The following SQSTM1 variants were observed in gnomAD, a reference collection of about 807,000 sequenced individuals.
SQSTM1 encodes the protein sequestosome-1.
A neutral mutation model predicts 45.1 loss-of-function variants in SQSTM1; 36 were observed. The observed-to-expected ratio is 0.80, with a 90% CI of 0.61 to 1.05. The LOEUF (loss-of-function observed/expected upper bound fraction) is 1.05. Among genes scored for constraint, SQSTM1 ranks in the 50% least tolerant of loss-of-function variants. The probability of loss-of-function intolerance (pLI) is 0.00; values close to 1 mark genes in which losing one functional copy is unlikely to be tolerated. For missense variants in SQSTM1, 617 were observed against 607.1 expected (o/e 1.02, Z -0.17); for synonymous variants, 290 against 244.3 (o/e 1.19, Z -1.74).
rs773605598 is a variant in SQSTM1 at position 179,821,107 on chromosome 5, G to A, written c.171G>A (p.Ala57=). ...LLSRVAALFP[A]LRPGGFQAHY... ...GCCGGGTGGCCGCCCTGTTCCCCGC[G>A]CTGCGGCCTGGCGGCTTCCAGGCGC... Residue 57 remains alanine (A), a synonymous_variant, in exon 1 of 8, where the codon GCG becomes GCA. Transcript: ENST00000389805. 7.1e-7 allele frequency: 1 copy of A among 1,407,460 alleles called. No individual in the cohort carries two copies. The highest frequency in any genetic ancestry group is 9.2e-7 in the Non-Finnish European group (1 of 1,084,010). The allele number at this position is 1,407,460 out of a possible 1,614,324, so 87.2% of individuals were successfully genotyped here. A position where few individuals can be genotyped will look rare whatever the true frequency, so the allele number is the denominator to read the frequency against.
At chr5:179,825,770 G>A (rs958129298) in intron 5 of SQSTM1, among the ~76,000 whole-genome samples, 2 of 152,140 alleles carry the variant, frequency 1.3e-5, no homozygotes, top group African/African-American at 2.4e-5. Flanking sequence ...GGGTCTGTGG[G>A]GTGGGTGAAG....
chr5:179,816,772 C>G (rs1019036764), upstream of SQSTM1, among the ~76,000 whole-genome samples: 16 of 150,024 alleles, frequency 1.1e-4, no homozygotes, highest in Non-Finnish European at 1.6e-4. Context: ...CTCCAGCCCC[C>G]CTCCCTACTC....
chr5:179,812,873 C>G (rs987222839), intron 2 of SQSTM1: 33 of 152,216 alleles, frequency 2.2e-4, no homozygotes, highest in African/African-American at 7.9e-4. Context: ...CAAAGCTTGA[C>G]CAGGCCCAGC....
chr5:179,818,040 A>AAGGG (rs1757637622), upstream of SQSTM1, among the ~76,000 whole-genome samples: 1 of 146,514 alleles, frequency 6.8e-6, no homozygotes, highest in African/African-American at 2.5e-5. Context: ...AAAAAAAAAA[A>AAGGG]GTGATGTCCA....
intron 5 of SQSTM1, among the ~76,000 whole-genome samples, chr5:179,828,369 C>CTTTTTTTTTTTTTTT (rs57483633): frequency 7.1e-5 from 7 of 98,296 alleles, no homozygotes; most frequent in Non-Finnish European, 1.0e-4. Context: ...TTTTTCTTAT[C>CTTTTTTTTTTTTTTT]TTTTTTTTTT....
chr5:179,827,964 C>T lies in SQSTM1; in HGVS notation c.754+2738C>T, dbSNP rs553949680. 1.9e-3 allele frequency among the ~76,000 whole-genome samples: 296 copies of T among 152,240 alleles called. 1 individual carries two copies. The highest frequency in any genetic ancestry group is 6.9e-3 in the African/African-American group (287 of 41,542). Reference sequence around the variant, plus strand: ...GGGGCTGAGAACCTGCTGAGGGAGCCACAACTGAGACCCAGGCTGCTCCTG... The same window carrying T: ...GGGGCTGAGAACCTGCTGAGGGAGCTACAACTGAGACCCAGGCTGCTCCTG... On this transcript the variant is annotated intron_variant, in intron 5 of 7. Transcript: ENST00000389805.
Position 179,834,676 on chromosome 5 carries a change from T to C in SQSTM1, c.1165+894T>C, listed in dbSNP as rs1454312319. On this transcript the variant is annotated intron_variant, in intron 7 of 7. Transcript: ENST00000389805. Reference sequence around the variant, plus strand: ...AAAGCACATCTTGCACCGCCCTTAATCCATTTAACCCTGAGTGGACACAGC... The same window carrying C: ...AAAGCACATCTTGCACCGCCCTTAACCCATTTAACCCTGAGTGGACACAGC... Among the ~76,000 whole-genome samples the C allele has an allele frequency of 8.5e-5, 13 of 152,244 alleles. No individual in the cohort carries two copies. In the East Asian group the frequency reaches 2.5e-3, roughly 29 times the overall value.
At chr5:179,819,330 C>A (rs1319942686), upstream of SQSTM1, among the ~76,000 whole-genome samples, 1 of 151,796 alleles carries the variant, frequency 6.6e-6, no homozygotes, top group African/African-American at 2.4e-5. Flanking sequence ...CTCCCCGCCC[C>A]CCCCCCAGTC....
chr5:179,828,587 T>G (rs1758095612), intron 5 of SQSTM1, among the ~76,000 whole-genome samples: 1 of 152,146 alleles, frequency 6.6e-6, no homozygotes, highest in Non-Finnish European at 1.5e-5. Flanking sequence ...TTGGTCAGGC[T>G]GGTCTCGAAC....
In SQSTM1 at chr5:179,806,938, C is replaced by G. The variant is rs1562627953; in HGVS notation, c.-157+347C>G. On this transcript the variant is annotated intron_variant, in intron 1 of 5. Transcript: ENST00000514093. This position sits in a 1 kb window ranked among gnomAD's most constrained non-coding sequence, Gnocchi z 4.6. ...GGGCTGGGCGGCGAGAGCCGCGGCC[C>G]GGCCTGGATCTGGGGCCTGGATCTG... The G allele has an allele frequency of 6.7e-6, 1 of 149,582 alleles. No individual in the cohort carries two copies. Among genetic ancestry groups the G allele is most frequent in the Non-Finnish European group, 1.5e-5 (1 of 66,730 alleles). 9.3% of individuals were successfully genotyped at this position (149,582 alleles called of 1,614,324 possible). A position where few individuals can be genotyped will look rare whatever the true frequency, so the allele number is the denominator to read the frequency against.
intron 7 of SQSTM1, 72 bp downstream of exon 7, chr5:179,833,854 A>G: frequency 6.6e-7 from 1 of 1,518,822 alleles, no homozygotes; most frequent in Non-Finnish European, 9.1e-7. Context: ...CTCTGATTTC[A>G]GCGACACAAA....
chr5:179,837,799 C>G lies in SQSTM1; in HGVS notation c.*1206C>G. ...TCCATAGCTCCTTCCCAGGACCCCT[C>G]AGCTCCCCGGCACTGCAGTCTGCAG... On this transcript the variant is annotated 3_prime_UTR_variant, in exon 8 of 8. Transcript: ENST00000389805. 6.2e-7 allele frequency: 1 copy of G among 1,614,052 alleles called. No individual in the cohort carries two copies. The highest frequency in any genetic ancestry group is 8.5e-7 in the Non-Finnish European group (1 of 1,180,042).
In SQSTM1 at chr5:179,837,645, C is replaced by G. The variant is rs767934309; in HGVS notation, c.*1052C>G. On this transcript the variant is annotated 3_prime_UTR_variant, in exon 8 of 8. Coordinates refer to ENST00000389805, the MANE Select transcript of SQSTM1 (RefSeq NM_003900.5). The stretch of plus-strand genomic sequence containing the variant: ...CTGGGGGTCCCTTGCTTAGCCTGTG[C>G]TGGACCAGCTGGCCTGGGGTCCCTC... 12 of 1,614,106 alleles carry G rather than the reference C, an allele frequency of 7.4e-6. No individual in the cohort carries two copies. The Admixed American group carries it at 1.7e-4, about 22-fold the overall frequency.
rs1757173708 is a variant in SQSTM1 at position 179,806,643 on chromosome 5, G to C, written c.-157+52G>C. The C allele has an allele frequency of 2.1e-6, 2 of 968,640 alleles. No homozygotes were observed. Among genetic ancestry groups the C allele is most frequent in the Admixed American group, 4.9e-5 (1 of 20,540 alleles). The allele number at this position is 968,640 out of a possible 1,614,324, so 60.0% of individuals were successfully genotyped here. ...AGGCTGCATGGCCCGGGGGACCGGGGCCGGGGCGCAGGGGTCGGAAGGCGG... is the reference window on the plus strand; with the variant it reads ...AGGCTGCATGGCCCGGGGGACCGGGCCCGGGGCGCAGGGGTCGGAAGGCGG... On this transcript the variant is annotated intron_variant, in intron 1 of 5. Transcript: ENST00000514093. The surrounding 1 kb of genome is among the most constrained non-coding windows in gnomAD (Gnocchi z 4.6).
At chr5:179,819,075 G>A (rs1266882174), upstream of SQSTM1, 1 of 152,544 alleles carries the variant, frequency 6.6e-6, no homozygotes, top group Non-Finnish European at 1.5e-5. Flanking sequence ...CAGGGGCCGG[G>A]GATCCCCCTA....
In SQSTM1 at chr5:179,823,869, T is replaced by G. The variant is rs749114620; in HGVS notation, c.313T>G (p.Cys105Gly). ...FRIYIKEKKE[C>G]RRDHRPPCAQ... ...TACCCTTCCTGTAGAGAAAAAAGAGTGCCGGCGGGACCACCGCCCACCGTG... is the reference window on the plus strand; with the variant it reads ...TACCCTTCCTGTAGAGAAAAAAGAGGGCCGGCGGGACCACCGCCCACCGTG... Residue 105 changes from cysteine (C) to glycine (G), a missense_variant, in exon 3 of 8, where the codon TGC becomes GGC. By Grantham distance (159) the Cys-to-Gly change is radical. Transcript: ENST00000389805. 27 of 1,611,668 alleles carry G rather than the reference T, an allele frequency of 1.7e-5. 1 individual carries two copies. In the South Asian group the frequency reaches 3.0e-4, roughly 18 times the overall value.
At chr5:179,833,393 A>C in intron 6 of SQSTM1, 147 bp downstream of exon 6, 6 of 1,020,504 alleles carry the variant, frequency 5.9e-6, no homozygotes, top group East Asian at 2.6e-5. Context: ...GTGCCATTAA[A>C]GTCACGCTGG....
In SQSTM1 at chr5:179,837,861, C is replaced by A. The variant is rs756026168; in HGVS notation, c.*1268C>A. 3 of 1,608,326 alleles carry A rather than the reference C, an allele frequency of 1.9e-6. No individual in the cohort carries two copies. In the East Asian group the frequency reaches 6.7e-5, roughly 36 times the overall value. On this transcript the variant is annotated 3_prime_UTR_variant, in exon 8 of 8. Coordinates refer to ENST00000389805, the MANE Select transcript of SQSTM1 (RefSeq NM_003900.5). ...AGGCAGGGGCTGCTGCCTTGTTTCACCTTCCATGTCAGGCCAGCCTGTCCC... is the reference window on the plus strand; with the variant it reads ...AGGCAGGGGCTGCTGCCTTGTTTCAACTTCCATGTCAGGCCAGCCTGTCCC...
At position 179,837,551 on chromosome 5, in the gene SQSTM1, G is replaced by C; in HGVS notation, c.*958G>C. The C allele has an allele frequency of 6.2e-7, 1 of 1,614,208 alleles. No individual in the cohort carries two copies. On this transcript the variant is annotated 3_prime_UTR_variant, in exon 8 of 8. Coordinates refer to ENST00000389805, the MANE Select transcript of SQSTM1 (RefSeq NM_003900.5). ...AGGCCTCTCAGACCCAGATGTGACG[G>C]GGTGTGTGGCCCGAGGAAGCTGGAC...
Sources: allele counts gnomAD v4.1 joint callset (sites outside exome capture counted in the v4.1 genomes callset), GRCh38; gene constraint gnomAD v4.1.1; non-coding constraint Gnocchi (gnomAD v3.1); transcripts MANE v1.5; gene names NCBI Gene and HGNC (gene_info 2026-07-23, HGNC 2026-07-21).